The following CTHRC1 variants were observed in gnomAD, a reference collection of about 807,000 sequenced individuals.
The protein encoded by CTHRC1 is collagen triple helix repeat containing 1.
In CTHRC1, 21 loss-of-function variants were observed where a neutral mutation model predicts 25.9. The ratio of observed to expected loss-of-function variants is 0.81; its 90% CI spans 0.57 to 1.17. CTHRC1 has a LOEUF of 1.17. Among genes scored for constraint, CTHRC1 ranks in the 50% most tolerant of loss-of-function variants. The pLI is 0.00. For missense variants in CTHRC1, 281 were observed against 304.3 expected, an observed-to-expected ratio of 0.92 and a Z score of 0.57; for synonymous variants, 109 against 113.1, an observed-to-expected ratio of 0.96 and a Z score of 0.23.
At chr8:103,374,585 TG>T (rs2130397232) in intron 1 of CTHRC1, among the ~76,000 whole-genome samples, 1 of 152,298 alleles carries the variant, frequency 6.6e-6, no homozygotes, top group African/African-American at 2.4e-5. Context: ...TGTGCTAGGC[TG>T]GTGGGTTTGC....
intron 1 of CTHRC1, chr8:103,372,328 C>G: frequency 1.2e-6 from 1 of 839,218 alleles, no homozygotes. Context: ...ATCCGTCCAA[C>G]TCTTTGTAAC....
intron 1 of CTHRC1, 78 bp from the exon 2 acceptor site, chr8:103,375,658 AAT>A: frequency 8.0e-7 from 1 of 1,243,960 alleles, no homozygotes; most frequent in Non-Finnish European, 1.2e-6. Flanking sequence ...AAGGGCTCAA[AAT>A]AAATGCATTT....
Position 103,381,479 on chromosome 8 carries a change from A to G in CTHRC1, c.590-979A>G, listed in dbSNP as rs371039342. Among the ~76,000 whole-genome samples, 413 of 60,142 alleles carry G rather than the reference A, an allele frequency of 6.9e-3. 3 individuals are homozygous for G. Among genetic ancestry groups the G allele is most frequent in the African/African-American group, 0.025 (391 of 15,954 alleles). 39.5% of individuals were successfully genotyped at this position (60,142 alleles called of 152,430 possible). On this transcript the variant is annotated intron_variant, in intron 3 of 3. Coordinates refer to ENST00000330295, the MANE Select transcript of CTHRC1 (RefSeq NM_138455.4). ...TGAGGGATTTTTTTTTTTTAATTTA[A>G]GAGAAGACTTTGGTAAGATGGAATG...
intron 3 of CTHRC1, among the ~76,000 whole-genome samples, chr8:103,379,475 TA>T (rs36063729): frequency 0.095 from 13,446 of 142,186 alleles, 705 homozygotes; most frequent in East Asian, 0.19. Context: ...ATAGAAGAGT[TA>T]AAAAAAAAAA....
chr8:103,371,822 C>T lies in CTHRC1; in HGVS notation c.150+16C>T, dbSNP rs1438147003. 3 of 1,489,250 alleles carry T rather than the reference C, an allele frequency of 2.0e-6. No individual in the cohort carries two copies. Among genetic ancestry groups the T allele is most frequent in the Admixed American group, 2.4e-5 (1 of 41,898 alleles). The allele number at this position is 1,489,250 out of a possible 1,614,324, so 92.3% of individuals were successfully genotyped here. A position where few individuals can be genotyped will look rare whatever the true frequency, so the allele number is the denominator to read the frequency against. ...GGTGGACCTGGTGAGTCCGAGGGAG[C>T]CGAGCCGGGACCGCCGCGCTGGTGG... On this transcript the variant is annotated intron_variant, in intron 1 of 3. Coordinates refer to ENST00000330295, the MANE Select transcript of CTHRC1 (RefSeq NM_138455.4).
chr8:103,382,613 T>C lies in CTHRC1; in HGVS notation c.*13T>C, dbSNP rs759580077. On this transcript the variant is annotated 3_prime_UTR_variant, in exon 4 of 4. Coordinates refer to ENST00000330295, the MANE Select transcript of CTHRC1 (RefSeq NM_138455.4). ...ACTACCAAAATAAATGCTTTAATTT[T>C]CATTTGCTACCTCTTTTTTTATTAT... The C allele has an allele frequency of 1.2e-5, 20 of 1,604,736 alleles. No individual in the cohort carries two copies. The highest frequency in any genetic ancestry group is 1.7e-5 in the Non-Finnish European group (20 of 1,171,630).
chr8:103,376,686 C>T (rs1005201270), intron 2 of CTHRC1, among the ~76,000 whole-genome samples: 1 of 152,216 alleles, frequency 6.6e-6, no homozygotes, highest in Non-Finnish European at 1.5e-5. Context: ...ATATTCACAA[C>T]ATATTACTTC....
At chr8:103,372,760 G>A (rs13278335) in intron 1 of CTHRC1, 182,391 of 846,064 alleles carry the variant, frequency 0.22, 21,797 homozygotes, top group African/African-American at 0.32. Flanking sequence ...CAGAGCTACC[G>A]TAGTCCTTGG....
chr8:103,371,750 G>C lies in CTHRC1; in HGVS notation c.94G>C (p.Glu32Gln), dbSNP rs1477966342. 3 of 1,536,818 alleles carry C rather than the reference G, an allele frequency of 2.0e-6. No homozygotes were observed. The African/African-American group carries it at 4.2e-5, about 22-fold the overall frequency. The change falls in exon 1 of 4, where the codon GAG (glutamate) becomes CAG (glutamine). Residue 32 changes from glutamate to glutamine, a missense_variant. Physicochemically the swap from Glu to Gln is conservative, Grantham distance 29. Transcript: ENST00000330295. ...GCTGCCCGCGCCGTCGAGCGCCTCT[G>C]AGATCCCCAAGGGGAAGCAAAAGGC... ...LQLPAPSSAS[E>Q]IPKGKQKAQL...
chr8:103,374,058 T>C (rs1257599352), intron 1 of CTHRC1, among the ~76,000 whole-genome samples: 1 of 152,238 alleles, frequency 6.6e-6, no homozygotes, highest in African/African-American at 2.4e-5. Context: ...TTTGTAATTG[T>C]TAAATGCTTT....
chr8:103,371,691 G>C lies in CTHRC1; in HGVS notation c.35G>C (p.Arg12Pro). The change falls in exon 1 of 4, where the codon CGG becomes CCG. Residue 12 changes from arginine (R) to proline (P), a missense_variant. Arg to Pro is a moderately radical substitution (Grantham distance 103). Transcript: ENST00000330295. The stretch of plus-strand genomic sequence containing the variant: ...CAGGGCCCCGCCGCCTCCCCGCAGC[G>C]GCTCCGCGGCCTCCTGCTGCTCCTG... Reference protein sequence around the residue: ...RPQGPAASPQRLRGLLLLLLL... With the variant: ...RPQGPAASPQPLRGLLLLLLL... 6.5e-7 allele frequency: 1 copy of C among 1,533,254 alleles called. No homozygotes were observed. Among genetic ancestry groups the C allele is most frequent in the Non-Finnish European group, 8.8e-7 (1 of 1,140,984 alleles). The allele number at this position is 1,533,254 out of a possible 1,614,324, so 95.0% of individuals were successfully genotyped here.
Position 103,371,804 on chromosome 8 carries a change from C to A in CTHRC1, c.148C>A (p.Leu50Met). Reference sequence around the variant, plus strand: ...GCTCCGGCAGAGGGAGGTGGTGGACCTGGTGAGTCCGAGGGAGCCGAGCCG... The same window carrying A: ...GCTCCGGCAGAGGGAGGTGGTGGACATGGTGAGTCCGAGGGAGCCGAGCCG... ...AQLRQREVVD[L>M]YNGMCLQGPA... The change falls in exon 1 of 4, where the codon CTG (leucine) becomes ATG (methionine). Residue 50 changes from leucine (L) to methionine (M), a missense_variant and splice_region_variant. By Grantham distance (15) the Leu-to-Met change is conservative. Transcript: ENST00000330295. 1 of 1,523,412 alleles carries A rather than the reference C, an allele frequency of 6.6e-7. No individual in the cohort carries two copies. The highest frequency in any genetic ancestry group is 1.4e-5 in the African/African-American group (1 of 70,320). The allele number at this position is 1,523,412 out of a possible 1,614,324, so 94.4% of individuals were successfully genotyped here.
intron 3 of CTHRC1, among the ~76,000 whole-genome samples, chr8:103,379,207 G>C (rs1815861747): frequency 6.6e-6 from 1 of 152,118 alleles, no homozygotes. Context: ...TAAACTGTCA[G>C]AAAAATATCA....
intron 3 of CTHRC1, among the ~76,000 whole-genome samples, chr8:103,380,211 G>C (rs114732388): frequency 7.9e-4 from 120 of 152,310 alleles, no homozygotes; most frequent in African/African-American, 2.5e-3. Context: ...TATCTTTAAG[G>C]TGTGTGTTAA....
intron 3 of CTHRC1, among the ~76,000 whole-genome samples, chr8:103,378,988 G>A (rs991331084): frequency 4.2e-5 from 5 of 119,790 alleles, no homozygotes; most frequent in Admixed American, 2.0e-4. Flanking sequence ...AGAGTGAGAT[G>A]CAGTCTCAAA....
At chr8:103,378,319 G>C in intron 3 of CTHRC1, 76 bp downstream of exon 3, 2 of 1,193,856 alleles carry the variant, frequency 1.7e-6, no homozygotes, top group Non-Finnish European at 2.4e-6. Flanking sequence ...TATCATGTTG[G>C]TTCACTAGCC....
chr8:103,382,528 T>C lies in CTHRC1; in HGVS notation c.660T>C (p.Asp220=), dbSNP rs781701664. The part of the protein sequence containing the change: ...DVAIWVGTCS[D]YPKGDASTGW... ...CTATCTGGGTTGGTACTTGTTCAGA[T>C]TACCCAAAAGGAGATGCTTCTACTG... is the stretch of plus-strand genomic sequence containing the variant. Residue 220 remains aspartate (D), a synonymous_variant, in exon 4 of 4, where the codon GAT becomes GAC. Transcript: ENST00000330295. The C allele has an allele frequency of 1.2e-6, 2 of 1,613,396 alleles. No homozygotes were observed. The highest frequency in any genetic ancestry group is 1.1e-5 in the South Asian group (1 of 91,068).
At chr8:103,378,502 C>A (rs1586554249) in intron 3 of CTHRC1, among the ~76,000 whole-genome samples, 1 of 152,276 alleles carries the variant, frequency 6.6e-6, no homozygotes, top group African/African-American at 2.4e-5. Context: ...TTTAAAAGAT[C>A]CCCTGGTGAT....
chr8:103,381,135 T>C (rs1307657664), intron 3 of CTHRC1, among the ~76,000 whole-genome samples: 4 of 152,118 alleles, frequency 2.6e-5, no homozygotes, highest in Admixed American at 6.6e-5. Context: ...CTAGGGTACA[T>C]GTGCATAACG....
Sources: allele counts gnomAD v4.1 joint callset (sites outside exome capture counted in the v4.1 genomes callset), GRCh38; gene constraint gnomAD v4.1.1; transcripts MANE v1.5; gene names NCBI Gene and HGNC (gene_info 2026-07-23, HGNC 2026-07-21).